Variants in KLHL28 observed in about 807,000 individuals in gnomAD.
KLHL28 encodes the protein kelch like family member 28, also known as kelch-like protein 28.
A neutral mutation model predicts 48.3 loss-of-function variants in KLHL28; 22 were observed. The observed-to-expected ratio is 0.46, with a 90% CI of 0.33 to 0.65. The LOEUF (loss-of-function observed/expected upper bound fraction) is 0.65, where lower values mean the gene tolerates loss of function less well. Among genes scored for constraint, KLHL28 ranks in the 30% least tolerant of loss-of-function variants. The probability of loss-of-function intolerance (pLI) is 0.03; values close to 1 mark genes in which losing one functional copy is unlikely to be tolerated. For missense variants in KLHL28, 527 were observed against 704.3 expected, an observed-to-expected ratio of 0.75 and a Z score of 2.85; for synonymous variants, 243 against 242.4, an observed-to-expected ratio of 1.00 and a Z score of -0.02.
chr14:44,943,437 C>T (rs1490995550), intron 2 of KLHL28, among the ~76,000 whole-genome samples: 1 of 152,188 alleles, frequency 6.6e-6, no homozygotes, highest in Non-Finnish European at 1.5e-5. Flanking sequence ...GCAGGTGGAT[C>T]ACCTGAGGTC....
intron 2 of KLHL28, among the ~76,000 whole-genome samples, chr14:44,934,928 A>G (rs1883745226): frequency 6.6e-6 from 1 of 152,240 alleles, no homozygotes; most frequent in African/African-American, 2.4e-5. Context: ...TCACAGAAGC[A>G]CAACACAATC....
intron 4 of KLHL28, among the ~76,000 whole-genome samples, chr14:44,930,317 T>G (rs1324948066): frequency 1.3e-5 from 2 of 151,798 alleles, no homozygotes; most frequent in East Asian, 3.9e-4. Context: ...TGAGATGGAG[T>G]CTTGCTCTGT....
chr14:44,954,646 A>C (rs1884721915), intron 1 of KLHL28, among the ~76,000 whole-genome samples: 1 of 152,242 alleles, frequency 6.6e-6, no homozygotes, highest in African/African-American at 2.4e-5. Context: ...CTATTAAAAA[A>C]AGGAAATTTT....
At chr14:44,951,110 T>C (rs1884561359) in intron 1 of KLHL28, among the ~76,000 whole-genome samples, 1 of 152,262 alleles carries the variant, frequency 6.6e-6, no homozygotes, top group Non-Finnish European at 1.5e-5. Flanking sequence ...GCTGGCCCCA[T>C]GAAAACTATG....
intron 2 of KLHL28, 54 bp from the exon 3 acceptor site, chr14:44,934,612 G>A (rs963422798): frequency 4.3e-5 from 56 of 1,308,780 alleles, no homozygotes; most frequent in South Asian, 7.7e-5. Flanking sequence ...GGCCCATAAA[G>A]ACAGATATGT....
chr14:44,961,010 A>AT, intron 1 of KLHL28: 1 of 801,512 alleles, frequency 1.2e-6, no homozygotes, highest in East Asian at 2.7e-5. Context: ...AAAAAAAAAA[A>AT]ATATCTCTTC....
chr14:44,932,827 C>T (rs1049035638), intron 3 of KLHL28, among the ~76,000 whole-genome samples: 5 of 152,080 alleles, frequency 3.3e-5, no homozygotes, highest in African/African-American at 7.2e-5. Flanking sequence ...CATATTTTTC[C>T]TTCAACTAAG....
At position 44,926,206 on chromosome 14, in the gene KLHL28, G is replaced by GAAT. The variant is rs1883366080; in HGVS notation, c.*2819_*2821dup. On this transcript the variant is annotated 3_prime_UTR_variant, in exon 5 of 5. Transcript: ENST00000396128. ...TCAGATTAGTAGCTCTGGTTGTTACGAATAATACAGTAGGTTAAGCAATCC... is the reference window on the plus strand; with the variant it reads ...TCAGATTAGTAGCTCTGGTTGTTACGAATAATAATACAGTAGGTTAAGCAATCC... 1 of 152,112 alleles carries GAAT rather than the reference G, an allele frequency of 6.6e-6. No individual in the cohort carries two copies. Among genetic ancestry groups the GAAT allele is most frequent in the Non-Finnish European group, 1.5e-5 (1 of 68,002 alleles). The allele number at this position is 152,112 out of a possible 1,614,324, so 9.4% of individuals were successfully genotyped here. A position where few individuals can be genotyped will look rare whatever the true frequency, so the allele number is the denominator to read the frequency against.
chr14:44,959,907 A>G (rs1156498758), intron 1 of KLHL28, among the ~76,000 whole-genome samples: 2 of 152,088 alleles, frequency 1.3e-5, no homozygotes, highest in East Asian at 3.9e-4. Context: ...AAATTCCTAG[A>G]TTTCCAAAGA....
At chr14:44,939,273 A>T (rs532334897) in intron 2 of KLHL28, among the ~76,000 whole-genome samples, 1 of 152,282 alleles carries the variant, frequency 6.6e-6, no homozygotes, top group East Asian at 1.9e-4. Context: ...TTCTGAGACT[A>T]CAACGGGAGG....
chr14:44,958,061 C>T (rs140734662), intron 1 of KLHL28, among the ~76,000 whole-genome samples: 1 of 148,536 alleles, frequency 6.7e-6, no homozygotes, highest in African/African-American at 2.5e-5. Flanking sequence ...CATATCTCTG[C>T]CATAGTTTTT....
At chr14:44,943,526 A>G (rs1884190435) in intron 2 of KLHL28, among the ~76,000 whole-genome samples, 1 of 152,122 alleles carries the variant, frequency 6.6e-6, no homozygotes, top group Non-Finnish European at 1.5e-5. Flanking sequence ...GCATGATGGC[A>G]CATGCCTGTA....
At position 44,926,423 on chromosome 14, in the gene KLHL28, T is replaced by A. The variant is rs1883372764; in HGVS notation, c.*2605A>T. 6.6e-6 allele frequency: 1 copy of A among 152,196 alleles called. No homozygotes were observed. The highest frequency in any genetic ancestry group is 2.4e-5 in the African/African-American group (1 of 41,458). The allele number at this position is 152,196 out of a possible 1,614,324, so 9.4% of individuals were successfully genotyped here. Reference sequence around the variant, plus strand: ...TTTTTGATCTAATTTACCAAATGATTATACACTAATTTGATAGTGGAGATG... The same window carrying A: ...TTTTTGATCTAATTTACCAAATGATAATACACTAATTTGATAGTGGAGATG... On this transcript the variant is annotated 3_prime_UTR_variant, in exon 5 of 5. Transcript: ENST00000396128.
intron 2 of KLHL28, among the ~76,000 whole-genome samples, chr14:44,941,593 A>C (rs1448751795): frequency 1.3e-5 from 2 of 148,386 alleles, no homozygotes; most frequent in Non-Finnish European, 3.0e-5. Context: ...GCGCCACTGC[A>C]CTCCAGCCTG....
chr14:44,949,013 G>A (rs962005923), intron 1 of KLHL28, among the ~76,000 whole-genome samples: 5 of 152,076 alleles, frequency 3.3e-5, no homozygotes, highest in Admixed American at 1.3e-4. Flanking sequence ...GAAAATGTAT[G>A]CGAAAAATAA....
chr14:44,961,488 AAAAC>A (rs1885094497), intron 1 of KLHL28: 1 of 152,176 alleles, frequency 6.6e-6, no homozygotes, highest in Non-Finnish European at 1.5e-5. Context: ...CAAACAAACA[AAAAC>A]AAAAAAAAAT....
chr14:44,934,604 C>T, intron 2 of KLHL28, 46 bp from the exon 3 acceptor site: 1 of 1,371,912 alleles, frequency 7.3e-7, no homozygotes, highest in Non-Finnish European at 9.9e-7. Flanking sequence ...ACCAAAGTGG[C>T]CCATAAAGAC....
chr14:44,959,852 CTA>C (rs1884955780), intron 1 of KLHL28, among the ~76,000 whole-genome samples: 1 of 151,996 alleles, frequency 6.6e-6, no homozygotes, highest in Admixed American at 6.6e-5. Context: ...TGTACTCTCT[CTA>C]TATATGATTA....
At position 44,927,540 on chromosome 14, in the gene KLHL28, T is replaced by A. The variant is rs573927719; in HGVS notation, c.*1488A>T. On this transcript the variant is annotated 3_prime_UTR_variant, in exon 5 of 5. Coordinates refer to ENST00000396128, the MANE Select transcript of KLHL28 (RefSeq NM_017658.5). ...TTCCAAAATACAAGTACCGACATAA[T>A]AATAAAATGCAAGTGAATGTGTTTA... 6.6e-6 allele frequency: 1 copy of A among 152,338 alleles called. No individual in the cohort carries two copies. The highest frequency in any genetic ancestry group is 2.4e-5 in the African/African-American group (1 of 41,444). The allele number at this position is 152,338 out of a possible 1,614,324, so 9.4% of individuals were successfully genotyped here. A position where few individuals can be genotyped will look rare whatever the true frequency, so the allele number is the denominator to read the frequency against.
Sources: gnomAD v4.1 joint callset for allele counts (sites outside exome capture counted in the v4.1 genomes callset) on GRCh38, gnomAD v4.1.1 for gene constraint, MANE v1.5 for transcripts, NCBI Gene and HGNC (gene_info 2026-07-23, HGNC 2026-07-21) for gene names.